SLC9A7: variants seen among roughly 807,000 people sequenced by gnomAD.
The protein encoded by SLC9A7 is sodium/hydrogen exchanger 7.
In SLC9A7, 19 loss-of-function variants were observed where a neutral mutation model predicts 52.6. The observed-to-expected ratio is 0.36, with a 90% CI of 0.25 to 0.53. The LOEUF (loss-of-function observed/expected upper bound fraction) is 0.53, where lower values mean the gene tolerates loss of function less well. Ranked by LOEUF, SLC9A7 falls within the 20% of genes least tolerant of loss-of-function variation. The pLI is 0.91. For missense variants in SLC9A7, 455 were observed against 597.9 expected (o/e 0.76, Z 2.49); for synonymous variants, 226 against 252.1 (o/e 0.90, Z 0.98).
intron 1 of SLC9A7, among the ~76,000 whole-genome samples, chrX:46,757,869 T>C (rs782142348): frequency 2.5e-3 from 274 of 111,345 alleles, no homozygotes; most frequent in Non-Finnish European, 3.1e-3. Context: ...CCATTAAATC[T>C]AGAAAAGGAT....
intron 1 of SLC9A7, among the ~76,000 whole-genome samples, chrX:46,718,814 T>G (rs1199594278): frequency 1.8e-5 from 2 of 111,877 alleles, no homozygotes; most frequent in Non-Finnish European, 3.8e-5. Flanking sequence ...CTGGAGAGGA[T>G]GTGGAGAAAC....
At chrX:46,652,693 T>C (rs1393604463) in intron 8 of SLC9A7, among the ~76,000 whole-genome samples, 1 of 112,105 alleles carries the variant, frequency 8.9e-6, no homozygotes, top group Admixed American at 9.5e-5. Context: ...CAAAAGTACA[T>C]CCTAAGTACC....
intron 5 of SLC9A7, among the ~76,000 whole-genome samples, chrX:46,664,472 G>A (rs1365902137): frequency 8.9e-6 from 1 of 111,776 alleles, no homozygotes; most frequent in Non-Finnish European, 1.9e-5. Context: ...ATTACTAATT[G>A]ATACAATTAG....
At chrX:46,720,305 T>A (rs977012625) in intron 1 of SLC9A7, among the ~76,000 whole-genome samples, 14 of 111,285 alleles carry the variant, frequency 1.3e-4, no homozygotes, top group Non-Finnish European at 2.5e-4. Context: ...TAGCACCTCA[T>A]CACACCCATA....
At chrX:46,644,547 G>C (rs747519943) in intron 11 of SLC9A7, among the ~76,000 whole-genome samples, 66 of 109,104 alleles carry the variant, frequency 6.0e-4, no homozygotes, top group Admixed American at 2.6e-3. Flanking sequence ...TGAGGTGGGA[G>C]AATCACTTGA....
rs759594099 is a variant in SLC9A7, at chrX:46,643,513, TA to T, written c.1463-125del. 9.4e-5 allele frequency: 64 copies of T among 677,486 alleles called. No individual in the cohort carries two copies. The East Asian group carries it at 2.0e-3, about 21-fold the overall frequency. The allele number at this position is 677,486 out of a possible 1,213,427, so 55.8% of individuals were successfully genotyped here. ...TCATGCTTCAGGGGCCAAGTTGTTTTACTCAGAAAGAAGAACCTTAAAGGCA... is the reference window on the plus strand; with the variant it reads ...TCATGCTTCAGGGGCCAAGTTGTTTTCTCAGAAAGAAGAACCTTAAAGGCA... On this transcript the variant is annotated intron_variant, in intron 11 of 16. Transcript: ENST00000616978.
intron 1 of SLC9A7, among the ~76,000 whole-genome samples, chrX:46,711,896 A>C (rs1944692810): frequency 2.0e-5 from 1 of 49,379 alleles, no homozygotes; most frequent in Admixed American, 2.6e-4. Flanking sequence ...ACAGCCTCTA[A>C]ATTACACACA....
chrX:46,636,618 T>C (rs180993385), intron 12 of SLC9A7, among the ~76,000 whole-genome samples: 103 of 109,630 alleles, frequency 9.4e-4, no homozygotes, highest in African/African-American at 3.2e-3. Context: ...CTCATGGGTA[T>C]AAAAATTGGT....
intron 7 of SLC9A7, among the ~76,000 whole-genome samples, chrX:46,654,716 C>T (rs1312271508): frequency 2.7e-5 from 3 of 110,848 alleles, no homozygotes; most frequent in Admixed American, 9.6e-5. Context: ...AGACAGCTAC[C>T]AGGTGCTGGT....
intron 1 of SLC9A7, among the ~76,000 whole-genome samples, chrX:46,713,052 C>G (rs1180463361): frequency 8.9e-6 from 1 of 112,487 alleles, no homozygotes; most frequent in Non-Finnish European, 1.9e-5. Flanking sequence ...GCATTGTGTG[C>G]TATTTAATTC....
At chrX:46,624,274 C>T (rs1003945803) in intron 14 of SLC9A7, among the ~76,000 whole-genome samples, 3 of 111,872 alleles carry the variant, frequency 2.7e-5, no homozygotes, top group African/African-American at 9.8e-5. Flanking sequence ...CAGGTCACGA[C>T]CTGGGACTTG....
At chrX:46,631,875 C>T (rs759089204) in intron 13 of SLC9A7, among the ~76,000 whole-genome samples, 1 of 111,817 alleles carries the variant, frequency 8.9e-6, no homozygotes, top group East Asian at 2.8e-4. Flanking sequence ...CATGTGCTCA[C>T]ACTCTAAGCA....
intron 11 of SLC9A7, among the ~76,000 whole-genome samples, chrX:46,648,234 G>T (rs1943524617): frequency 8.9e-6 from 1 of 111,944 alleles, no homozygotes. Context: ...AGAGCTGGGG[G>T]ACCTCAGCTA....
intron 12 of SLC9A7, among the ~76,000 whole-genome samples, chrX:46,641,646 T>A (rs1423043382): frequency 3.6e-5 from 4 of 112,305 alleles, no homozygotes; most frequent in Non-Finnish European, 7.5e-5. Flanking sequence ...ATGGATTCTT[T>A]TCCTTAATCC....
intron 1 of SLC9A7, among the ~76,000 whole-genome samples, chrX:46,732,105 C>T (rs958823239): frequency 4.5e-5 from 5 of 110,302 alleles, no homozygotes; most frequent in African/African-American, 6.6e-5. Context: ...GCCTGTAATC[C>T]GAGCTACTCA....
chrX:46,725,388 T>C, intron 1 of SLC9A7: 1 of 1,196,772 alleles, frequency 8.4e-7, no homozygotes, highest in South Asian at 1.8e-5. Flanking sequence ...TTCTTGGATT[T>C]CATTTGCATC....
chrX:46,735,459 C>T (rs12845404), intron 1 of SLC9A7, among the ~76,000 whole-genome samples: 42,576 of 110,892 alleles, frequency 0.38, 7,502 homozygotes, highest in Non-Finnish European at 0.55. Context: ...TTCACTTTTA[C>T]ATATGCTATA....
intron 12 of SLC9A7, among the ~76,000 whole-genome samples, chrX:46,642,245 C>T (rs765435322): frequency 1.8e-5 from 2 of 112,914 alleles, no homozygotes; most frequent in Admixed American, 9.3e-5. Context: ...GCAGCTGTGT[C>T]GGGCATTCTA....
chrX:46,642,443 C>T (rs1193514286), intron 12 of SLC9A7, among the ~76,000 whole-genome samples: 4 of 112,265 alleles, frequency 3.6e-5, no homozygotes, highest in African/African-American at 6.5e-5. Flanking sequence ...ATGTGCAGCA[C>T]GACACCTACA....
Sources: allele counts gnomAD v4.1 joint callset (sites outside exome capture counted in the v4.1 genomes callset), GRCh38; gene constraint gnomAD v4.1.1; transcripts MANE v1.5; gene names NCBI Gene and HGNC (gene_info 2026-07-23, HGNC 2026-07-21).